The following ARHGEF3 variants were observed in gnomAD, a reference collection of about 807,000 sequenced individuals.
ARHGEF3 encodes the protein 59.8 kDA protein.
ARHGEF3 carries 28 observed loss-of-function variants against 63.2 expected under a neutral mutation model. The ratio of observed to expected loss-of-function variants is 0.44; its 90% CI spans 0.33 to 0.61. The LOEUF is 0.61. Among genes scored for constraint, ARHGEF3 ranks in the 20% least tolerant of loss-of-function variants. The probability of loss-of-function intolerance (pLI) is 0.03; values close to 1 mark genes in which losing one functional copy is unlikely to be tolerated. For synonymous variants in ARHGEF3, 266 were observed against 254.2 expected (o/e 1.05, Z -0.44); for missense variants, 533 against 659.3 (o/e 0.81, Z 2.10).
In ARHGEF3 at chr3:57,012,932, G is replaced by A. The variant is rs148761160; in HGVS notation, c.62+22156C>T. On this transcript the variant is annotated intron_variant, in intron 2 of 12. Coordinates refer to the ARHGEF3 transcript ENST00000338458. ...GCTGCGCACGGGCTCGCAGGCCAGC[G>A]TGAATTCCGGGTGGGTGCGGGCTTG... Among the ~76,000 whole-genome samples, 932 of 152,352 alleles carry A rather than the reference G, an allele frequency of 6.1e-3. 17 individuals carry two copies. Among genetic ancestry groups the A allele is most frequent in the African/African-American group, 0.021 (887 of 41,584 alleles).
At chr3:56,940,962 T>G (rs1699150850) in intron 3 of ARHGEF3, 1 of 152,106 alleles carries the variant, frequency 6.6e-6, no homozygotes, top group Admixed American at 6.6e-5. Context: ...GCATATACCT[T>G]TTCACCATCT....
intron 2 of ARHGEF3, among the ~76,000 whole-genome samples, chr3:57,032,301 C>G (rs1276527454): frequency 1.3e-5 from 2 of 152,194 alleles, no homozygotes; most frequent in Non-Finnish European, 2.9e-5. Context: ...ATATGCTGGA[C>G]AGGGACAAAG....
intron 7 of ARHGEF3, among the ~76,000 whole-genome samples, chr3:56,739,096 A>G (rs1226250790): frequency 1.3e-5 from 2 of 152,100 alleles, no homozygotes; most frequent in African/African-American, 4.8e-5. Flanking sequence ...CTCCGTCTCA[A>G]AAAATTAAAA....
At chr3:56,894,659 A>T (rs2041241525) in intron 3 of ARHGEF3, among the ~76,000 whole-genome samples, 1 of 152,084 alleles carries the variant, frequency 6.6e-6, no homozygotes, top group African/African-American at 2.4e-5. Flanking sequence ...ATTTTAAAAA[A>T]ATTCTATGGA....
chr3:57,000,308 TCCCACACACACACACACA>T (rs1211029587), intron 2 of ARHGEF3, among the ~76,000 whole-genome samples: 1 of 27,166 alleles, frequency 3.7e-5, no homozygotes, highest in Non-Finnish European at 2.1e-4. Flanking sequence ...AGAGGGTAAC[TCCCACACACACACACACA>T]CACACACACA....
Position 56,881,004 on chromosome 3 carries a change from C to T in ARHGEF3, c.192+1288G>A, listed in dbSNP as rs149060789. 7.5e-5 allele frequency among the ~76,000 whole-genome samples: 11 copies of T among 146,654 alleles called. No individual in the cohort carries two copies. The East Asian group carries it at 2.2e-3, about 30-fold the overall frequency. The stretch of plus-strand genomic sequence containing the variant: ...CTCGCTCCATCATGGCTGGTTGCAT[C>T]ACAGAAAACTCTGCAGTAATTAAAA... On this transcript the variant is annotated intron_variant, in intron 4 of 12. Transcript: ENST00000338458.
intron 4 of ARHGEF3, among the ~76,000 whole-genome samples, chr3:56,866,427 G>A (rs2040250375): frequency 6.6e-6 from 1 of 152,168 alleles, no homozygotes; most frequent in South Asian, 2.1e-4. Flanking sequence ...GTTCCTAGGG[G>A]AGGCTGCTCC....
intron 2 of ARHGEF3, among the ~76,000 whole-genome samples, chr3:56,967,868 A>ATG (rs1321551387): frequency 1.4e-5 from 1 of 70,920 alleles, no homozygotes; most frequent in African/African-American, 5.7e-5. Context: ...AATGACATAT[A>ATG]TAATATATAA....
Position 56,927,572 on chromosome 3 carries a change from T to C in ARHGEF3, c.129+31251A>G, listed in dbSNP as rs967895756. Among the ~76,000 whole-genome samples, 3 of 152,180 alleles carry C rather than the reference T, an allele frequency of 2.0e-5. No homozygotes were observed. In the East Asian group the frequency reaches 5.8e-4, roughly 29 times the overall value. On this transcript the variant is annotated intron_variant, in intron 3 of 12. Coordinates refer to the ARHGEF3 transcript ENST00000338458. ...TTAACCCAATTTAACAAAGAATTTT[T>C]CAACAAAAATGAGGGGTCTGAGGAG...
At chr3:56,916,938 C>T (rs929600663) in intron 3 of ARHGEF3, among the ~76,000 whole-genome samples, 2 of 152,236 alleles carry the variant, frequency 1.3e-5, no homozygotes, top group Non-Finnish European at 2.9e-5. Context: ...AACCTGGCAT[C>T]TTCTCTTCAG....
rs1194916370 is a variant in ARHGEF3 at position 56,795,978 on chromosome 3, A to G, written c.96+5725T>C. On this transcript the variant is annotated intron_variant, in intron 1 of 9. Coordinates refer to ENST00000296315, the MANE Select transcript of ARHGEF3 (RefSeq NM_019555.3). ...AACTAGTTATTGGTGTCAACTAATTAAAAAAAAAAAAAGGAAGGCAATAGA... is the reference window on the plus strand; with the variant it reads ...AACTAGTTATTGGTGTCAACTAATTGAAAAAAAAAAAAGGAAGGCAATAGA... Among the ~76,000 whole-genome samples, 18 of 55,512 alleles carry G rather than the reference A, an allele frequency of 3.2e-4. 1 individual carries two copies. The Admixed American group carries it at 3.5e-3, about 11-fold the overall frequency. The allele number at this position is 55,512 out of a possible 152,430, so 36.4% of individuals were successfully genotyped here.
chr3:57,016,632 T>C (rs1418498116), intron 2 of ARHGEF3, among the ~76,000 whole-genome samples: 1 of 152,032 alleles, frequency 6.6e-6, no homozygotes, highest in African/African-American at 2.4e-5. Flanking sequence ...TTCTCGAATG[T>C]GTGGAGAGTT....
chr3:56,999,791 C>G (rs1702119264), intron 2 of ARHGEF3, among the ~76,000 whole-genome samples: 1 of 152,196 alleles, frequency 6.6e-6, no homozygotes, highest in African/African-American at 2.4e-5. Context: ...AGTGAGACCT[C>G]ATCCCCAAAA....
chr3:56,881,463 GAGGCCAAGGT>G (rs1431310461), intron 4 of ARHGEF3, among the ~76,000 whole-genome samples: 2 of 152,182 alleles, frequency 1.3e-5, no homozygotes, highest in Non-Finnish European at 2.9e-5. Flanking sequence ...GAGGGCATCA[GAGGCCAAGGT>G]AGGCTTCCCA....
chr3:57,007,344 A>T (rs1702508477), intron 2 of ARHGEF3: 1 of 1,289,750 alleles, frequency 7.8e-7, no homozygotes, highest in South Asian at 1.2e-5. Context: ...GCCCTGAAGG[A>T]AAGACAGCCA....
At chr3:56,841,989 C>T (rs184045500) in intron 4 of ARHGEF3, among the ~76,000 whole-genome samples, 67 of 152,258 alleles carry the variant, frequency 4.4e-4, no homozygotes, top group African/African-American at 1.6e-3. Context: ...AGGTACTACA[C>T]ATTATCCTTT....
intron 2 of ARHGEF3, among the ~76,000 whole-genome samples, chr3:56,772,143 G>T (rs756790004): frequency 2.0e-5 from 3 of 152,136 alleles, no homozygotes; most frequent in Non-Finnish European, 4.4e-5. Flanking sequence ...GGGATCCAGC[G>T]GCCCAAGTGC....
Position 56,908,052 on chromosome 3 carries a change from A to G in ARHGEF3, c.130-25698T>C, listed in dbSNP as rs77802243. On this transcript the variant is annotated intron_variant, in intron 3 of 12. Transcript: ENST00000338458. ...AAGTACAGTTATCATTGCTACAAAGAAAAAGAGCCTCCTTACCCTTCCCTG... is the reference window on the plus strand; with the variant it reads ...AAGTACAGTTATCATTGCTACAAAGGAAAAGAGCCTCCTTACCCTTCCCTG... Among the ~76,000 whole-genome samples the G allele has an allele frequency of 1.3e-3, 201 of 152,334 alleles. 2 individuals carry two copies. The East Asian group carries it at 0.033, about 25-fold the overall frequency.
At chr3:57,068,983 G>A (rs1276700213) in intron 1 of ARHGEF3, among the ~76,000 whole-genome samples, 6 of 148,998 alleles carry the variant, frequency 4.0e-5, no homozygotes, top group South Asian at 2.1e-4. Flanking sequence ...GTGCTATGAC[G>A]TGATCTTGGC....
Sources: allele counts gnomAD v4.1 joint callset (sites outside exome capture counted in the v4.1 genomes callset), GRCh38; gene constraint gnomAD v4.1.1; transcripts MANE v1.5; gene names NCBI Gene and HGNC (gene_info 2026-07-23, HGNC 2026-07-21).